ABCB4: variants seen among roughly 807,000 people sequenced by gnomAD.
ABCB4 encodes ATP binding cassette subfamily B member 4.
Under a neutral mutation model 145.7 loss-of-function variants are expected in ABCB4, and 76 were observed. That is an observed-to-expected ratio of 0.52 (90% CI 0.43 to 0.63). The LOEUF (loss-of-function observed/expected upper bound fraction) is 0.63, where lower values mean the gene tolerates loss of function less well. ABCB4 is among the 30% of genes least tolerant of loss of function. The pLI, the probability that ABCB4 is intolerant of heterozygous loss-of-function variation, is 0.00. For missense variants in ABCB4, 1,234 were observed against 1,553.1 expected (o/e 0.79, Z 3.45); for synonymous variants, 517 against 566.8 (o/e 0.91, Z 1.25).
intron 9 of ABCB4, among the ~76,000 whole-genome samples, chr7:87,445,270 GTAT>G (rs1811269282): frequency 6.6e-6 from 1 of 152,092 alleles, no homozygotes; most frequent in Non-Finnish European, 1.5e-5. Context: ...TTTTCAGTCA[GTAT>G]TATTATTCCA....
chr7:87,402,205 A>G lies in ABCB4; in HGVS notation c.3731T>C (p.Val1244Ala), dbSNP rs1807832963. 6.2e-7 allele frequency: 1 copy of G among 1,613,948 alleles called. No homozygotes were observed. The highest frequency in any genetic ancestry group is 1.7e-5 in the Admixed American group (1 of 59,988). Residue 1244 changes from valine (V) to alanine (A), a missense_variant, in exon 28 of 28, where the codon GTG (valine) becomes GCG (alanine). Physicochemically the swap from Val to Ala is moderately conservative, Grantham distance 64 (BLOSUM62 0). Coordinates refer to ENST00000649586, the MANE Select transcript of ABCB4 (RefSeq NM_000443.4). ...STIQNADLIV[V>A]FQNGRVKEHG... ...CTCCTTGACTCTCCCATTCTGAAACACCACTATTAAGTCTGCATTCTGGAT... is the reference window on the plus strand; with the variant it reads ...CTCCTTGACTCTCCCATTCTGAAACGCCACTATTAAGTCTGCATTCTGGAT...
At chr7:87,433,675 G>GTTTT (rs1000391993) in intron 14 of ABCB4, among the ~76,000 whole-genome samples, 8 of 100,366 alleles carry the variant, frequency 8.0e-5, no homozygotes, top group Admixed American at 9.9e-5. Flanking sequence ...AATTGTTGTT[G>GTTTT]TTTTTTTTTT....
chr7:87,470,874 A>G (rs1249004923), intron 3 of ABCB4, among the ~76,000 whole-genome samples: 1 of 152,220 alleles, frequency 6.6e-6, no homozygotes, highest in East Asian at 1.9e-4. Context: ...CTAGGTATAT[A>G]CCCAAAGGAA....
intron 14 of ABCB4, among the ~76,000 whole-genome samples, chr7:87,436,637 G>A (rs991603021): frequency 1.3e-5 from 2 of 152,120 alleles, no homozygotes; most frequent in Non-Finnish European, 2.9e-5. Flanking sequence ...TTAGAGGGAA[G>A]GTAAAAGACC....
intron 15 of ABCB4, among the ~76,000 whole-genome samples, chr7:87,430,463 A>G (rs192866134): frequency 3.7e-4 from 56 of 152,350 alleles, no homozygotes; most frequent in Non-Finnish European, 6.0e-4. Context: ...TGTCTTAATA[A>G]TATGAAAAAC....
At chr7:87,417,814 C>G (rs1809093353) in intron 20 of ABCB4, among the ~76,000 whole-genome samples, 1 of 152,156 alleles carries the variant, frequency 6.6e-6, no homozygotes, top group Non-Finnish European at 1.5e-5. Flanking sequence ...TTCATAGATG[C>G]AATGTTCAAA....
intron 17 of ABCB4, among the ~76,000 whole-genome samples, chr7:87,423,286 G>A (rs2116524727): frequency 6.6e-6 from 1 of 152,188 alleles, no homozygotes; most frequent in South Asian, 2.1e-4. Context: ...TGAATGATTG[G>A]CTAGTATGTT....
intron 3 of ABCB4, among the ~76,000 whole-genome samples, chr7:87,469,407 A>C (rs1461248822): frequency 6.6e-6 from 1 of 152,220 alleles, no homozygotes; most frequent in Non-Finnish European, 1.5e-5. Flanking sequence ...AAGGGTATTC[A>C]ATTAGGAAAA....
In ABCB4 at chr7:87,431,334, C is replaced by CAATTAAAATATTAA. The variant is rs1584724258; in HGVS notation, c.1893+69_1893+70insTTAATATTTTAATT. 8.2e-6 allele frequency: 13 copies of CAATTAAAATATTAA among 1,592,338 alleles called. No homozygotes were observed. The East Asian group carries it at 2.9e-4, about 36-fold the overall frequency. On this transcript the variant is annotated intron_variant, in intron 15 of 27. Coordinates refer to ENST00000649586, the MANE Select transcript of ABCB4 (RefSeq NM_000443.4). Reference sequence around the variant, plus strand: ...TTGCTCAGTATAGCATTCACTGGATCATATTTTAATATTTAAAGAACACTA... The same window carrying CAATTAAAATATTAA: ...TTGCTCAGTATAGCATTCACTGGATCAATTAAAATATTAAATATTTTAATATTTAAAGAACACTA...
At chr7:87,458,610 T>A (rs1030923155) in intron 4 of ABCB4, among the ~76,000 whole-genome samples, 1 of 152,198 alleles carries the variant, frequency 6.6e-6, no homozygotes, top group African/African-American at 2.4e-5. Context: ...AACACATCAA[T>A]AAGCAGTCTG....
chr7:87,387,086 T>C, the ABCB4 span, among the ~76,000 whole-genome samples: 3 of 151,988 alleles, frequency 2.0e-5, no homozygotes, highest in East Asian at 1.9e-4. Flanking sequence ...TACCTTCTGC[T>C]TGAAGTTTTT....
At chr7:87,472,790 G>T in intron 2 of ABCB4, 115 bp from the exon 3 acceptor site, 2 of 804,352 alleles carry the variant, frequency 2.5e-6, no homozygotes, top group Non-Finnish European at 4.1e-6. Context: ...ATATAAGAGT[G>T]ATGTTCACAA....
At position 87,406,365 on chromosome 7, in the gene ABCB4, G is replaced by C; in HGVS notation, c.3409C>G (p.Arg1137Gly). 1 of 1,613,966 alleles carries C rather than the reference G, an allele frequency of 6.2e-7. No homozygotes were observed. The highest frequency in any genetic ancestry group is 8.5e-7 in the Non-Finnish European group (1 of 1,180,000). ...ACAATTTCATCCTGTGATACAACCC[G>C]GCTGTTGTCTCCATAGGCAATATTC... ...AENIAYGDNS[R>G]VVSQDEIVSA... is the part of the protein sequence containing the mutation. Residue 1137 changes from arginine (R) to glycine (G), a missense_variant, in exon 26 of 28, where the codon CGG becomes GGG. By Grantham distance (125) the Arg-to-Gly change is moderately radical. Transcript: ENST00000649586.
the ABCB4 span, chr7:87,377,299 A>C: frequency 8.6e-7 from 1 of 1,160,588 alleles, no homozygotes; most frequent in Non-Finnish European, 1.2e-6. Context: ...GTAAATTCTT[A>C]CAAACCAATA....
chr7:87,408,824 G>A (rs1419478918), intron 24 of ABCB4, among the ~76,000 whole-genome samples: 1 of 152,170 alleles, frequency 6.6e-6, no homozygotes, highest in Non-Finnish European at 1.5e-5. Flanking sequence ...TACCTTTATA[G>A]ATAATAAAGC....
intron 16 of ABCB4, among the ~76,000 whole-genome samples, chr7:87,426,257 G>A (rs1730631001): frequency 6.6e-6 from 1 of 152,168 alleles, no homozygotes; most frequent in Admixed American, 6.5e-5. Flanking sequence ...TAAAGATGAA[G>A]GGAGCTTGTG....
At chr7:87,406,881 A>G (rs1235874000) in intron 25 of ABCB4, among the ~76,000 whole-genome samples, 1 of 152,080 alleles carries the variant, frequency 6.6e-6, no homozygotes, top group Non-Finnish European at 1.5e-5. Context: ...CCCTTCCCCC[A>G]TGCACAGCAG....
At chr7:87,366,380 A>G in the ABCB4 span, among the ~76,000 whole-genome samples, 4 of 151,882 alleles carry the variant, frequency 2.6e-5, no homozygotes, top group South Asian at 8.3e-4. Context: ...CCTTCAGGTT[A>G]TATCACCACT....
chr7:87,437,367 C>A (rs1395549552), intron 14 of ABCB4, among the ~76,000 whole-genome samples: 1 of 152,124 alleles, frequency 6.6e-6, no homozygotes, highest in African/African-American at 2.4e-5. Flanking sequence ...CACCATGGAC[C>A]ATTTTAATGA....
Sources: gnomAD v4.1 joint callset for allele counts (sites outside exome capture counted in the v4.1 genomes callset) on GRCh38, gnomAD v4.1.1 for gene constraint, MANE v1.5 for transcripts, NCBI Gene and HGNC (gene_info 2026-07-23, HGNC 2026-07-21) for gene names.